ARB2A: variants seen among roughly 807,000 people sequenced by gnomAD.
ARB2A encodes the protein cotranscriptional regulator ARB2A.
the ARB2A span, among the ~76,000 whole-genome samples, chr5:94,052,094 T>C: frequency 6.6e-6 from 1 of 152,146 alleles, no homozygotes; most frequent in African/African-American, 2.4e-5. Flanking sequence ...GTGATGGGAT[T>C]GCAGACATGA....
the ARB2A span, among the ~76,000 whole-genome samples, chr5:93,909,983 T>TA: frequency 9.3e-5 from 14 of 150,996 alleles, 1 homozygote; most frequent in East Asian, 2.1e-3. Flanking sequence ...ATAGGAATTA[T>TA]AAAAAAATCT....
chr5:93,920,545 T>A, the ARB2A span, among the ~76,000 whole-genome samples: 5,872 of 152,108 alleles, frequency 0.039, 169 homozygotes, highest in East Asian at 0.14. Context: ...ATCAAAAAAA[T>A]TAAGAAGTTA....
the ARB2A span, among the ~76,000 whole-genome samples, chr5:93,802,047 A>T: frequency 9.2e-5 from 14 of 152,086 alleles, no homozygotes; most frequent in African/African-American, 3.1e-4. Flanking sequence ...TGAATATTGA[A>T]TCCTAAATCT....
At chr5:94,015,930 T>C in the ARB2A span, among the ~76,000 whole-genome samples, 7 of 151,998 alleles carry the variant, frequency 4.6e-5, no homozygotes, top group Non-Finnish European at 7.4e-5. Context: ...AAAATGGCAG[T>C]AGTAAGTGAA....
the ARB2A span, among the ~76,000 whole-genome samples, chr5:93,878,179 G>C: frequency 6.7e-6 from 1 of 148,856 alleles, no homozygotes; most frequent in African/African-American, 2.4e-5. Flanking sequence ...TTTCCTCATA[G>C]AAAATCAAGC....
At chr5:94,087,276 C>T in the ARB2A span, among the ~76,000 whole-genome samples, 11 of 152,054 alleles carry the variant, frequency 7.2e-5, no homozygotes, top group African/African-American at 2.2e-4. Context: ...GGCATGGTGA[C>T]GCGCTTTGTA....
At chr5:94,022,726 A>G in the ARB2A span, among the ~76,000 whole-genome samples, 1 of 152,234 alleles carries the variant, frequency 6.6e-6, no homozygotes, top group Non-Finnish European at 1.5e-5. Context: ...CTTATCCTCA[A>G]AATAGGATGG....
At chr5:94,009,702 T>C in the ARB2A span, among the ~76,000 whole-genome samples, 3 of 152,050 alleles carry the variant, frequency 2.0e-5, no homozygotes, top group South Asian at 6.2e-4. Context: ...CTGAAGCATT[T>C]TTAAAATAAA....
the ARB2A span, among the ~76,000 whole-genome samples, chr5:93,990,346 TTC>T: frequency 6.6e-6 from 1 of 152,050 alleles, no homozygotes; most frequent in African/African-American, 2.4e-5. Context: ...AAGATAATTA[TTC>T]TCTACAATGA....
the ARB2A span, among the ~76,000 whole-genome samples, chr5:93,719,412 A>AACATAT: frequency 1.3e-5 from 2 of 152,204 alleles, no homozygotes; most frequent in East Asian, 1.9e-4. Context: ...AACTGGCCCG[A>AACATAT]AGCCACATAT....
chr5:93,812,905 T>A, the ARB2A span, among the ~76,000 whole-genome samples: 1 of 152,098 alleles, frequency 6.6e-6, no homozygotes, highest in African/African-American at 2.4e-5. Flanking sequence ...AGGAGGTAAT[T>A]AGATTTAGAA....
chr5:93,965,104 T>C, the ARB2A span, among the ~76,000 whole-genome samples: 1 of 152,068 alleles, frequency 6.6e-6, no homozygotes, highest in African/African-American at 2.4e-5. Flanking sequence ...AACCAACAGA[T>C]ATAACTGAAG....
the ARB2A span, among the ~76,000 whole-genome samples, chr5:93,932,447 T>C: frequency 1.3e-5 from 2 of 152,292 alleles, no homozygotes; most frequent in East Asian, 3.9e-4. Context: ...ATAAACATAA[T>C]GTTGATGATG....
At chr5:93,706,595 C>T in the ARB2A span, among the ~76,000 whole-genome samples, 3 of 151,988 alleles carry the variant, frequency 2.0e-5, no homozygotes, top group Non-Finnish European at 2.9e-5. Context: ...AGGCCGGGCA[C>T]GGTGGCTCAC....
the ARB2A span, among the ~76,000 whole-genome samples, chr5:93,927,153 A>G: frequency 2.0e-5 from 3 of 152,298 alleles, no homozygotes; most frequent in South Asian, 6.2e-4. Context: ...TCAAAGACAG[A>G]AAGGAGAAAA....
chr5:94,071,676 C>T, the ARB2A span, among the ~76,000 whole-genome samples: 1 of 151,990 alleles, frequency 6.6e-6, no homozygotes, highest in Non-Finnish European at 1.5e-5. Context: ...CACTATGTAC[C>T]TAATAAAATG....
the ARB2A span, among the ~76,000 whole-genome samples, chr5:93,724,160 G>A: frequency 1.3e-5 from 2 of 151,616 alleles, no homozygotes; most frequent in Non-Finnish European, 2.9e-5. Flanking sequence ...AAAATGATCG[G>A]TGAATGGAGT....
At chr5:93,709,447 AC>A in the ARB2A span, among the ~76,000 whole-genome samples, 1 of 151,952 alleles carries the variant, frequency 6.6e-6, no homozygotes, top group East Asian at 1.9e-4. Context: ...AGCCTGGCCA[AC>A]ATGGTGAAAC....
At chr5:93,636,513 T>G in the ARB2A span, among the ~76,000 whole-genome samples, 1 of 152,208 alleles carries the variant, frequency 6.6e-6, no homozygotes, top group African/African-American at 2.4e-5. Flanking sequence ...GAAGACACAG[T>G]GAAAAGATTA....
Sources: allele counts gnomAD v4.1 joint callset (sites outside exome capture counted in the v4.1 genomes callset), GRCh38; gene constraint gnomAD v4.1.1; transcripts MANE v1.5; gene names NCBI Gene and HGNC (gene_info 2026-07-23, HGNC 2026-07-21).